COL22A1: variants seen among roughly 807,000 people sequenced by gnomAD.
COL22A1 encodes collagen type XXII alpha 1 chain.
In COL22A1, 221 loss-of-function variants were observed where a neutral mutation model predicts 248.9. That is an observed-to-expected ratio of 0.89 (90% CI 0.80 to 0.99). The LOEUF (loss-of-function observed/expected upper bound fraction) is 0.99, where lower values mean the gene tolerates loss of function less well. COL22A1 is among the 50% of genes least tolerant of loss of function. COL22A1 has a pLI of 0.00. For synonymous variants in COL22A1, 891 were observed against 793.4 expected (o/e 1.12, Z -2.07); for missense variants, 2,240 against 2,179.0 (o/e 1.03, Z -0.56).
intron 18 of COL22A1, among the ~76,000 whole-genome samples, chr8:138,757,216 CCAAA>C (rs1350361923): frequency 6.6e-6 from 1 of 152,188 alleles, no homozygotes; most frequent in Non-Finnish European, 1.5e-5. Context: ...TTCAACATCT[CCAAA>C]CAGAGTCAGA....
intron 44 of COL22A1, 51 bp from the exon 45 acceptor site, chr8:138,655,995 A>T: frequency 7.1e-7 from 1 of 1,417,980 alleles, no homozygotes; most frequent in Non-Finnish European, 9.9e-7. Flanking sequence ...ATATACAATA[A>T]ATCCCAGGCA....
At chr8:138,769,065 A>G (rs1586697238) in intron 16 of COL22A1, among the ~76,000 whole-genome samples, 1 of 151,942 alleles carries the variant, frequency 6.6e-6, no homozygotes, top group East Asian at 1.9e-4. Context: ...TTCAGTTTCC[A>G]TCTCATCTCT....
intron 10 of COL22A1, among the ~76,000 whole-genome samples, chr8:138,806,369 C>T (rs1214338521): frequency 2.6e-5 from 4 of 151,360 alleles, no homozygotes; most frequent in African/African-American, 9.7e-5. Flanking sequence ...CACATCCTAG[C>T]ACAGTGGGGG....
At chr8:138,875,167 T>C (rs1014559190) in intron 3 of COL22A1, among the ~76,000 whole-genome samples, 6 of 152,202 alleles carry the variant, frequency 3.9e-5, no homozygotes, top group African/African-American at 1.4e-4. Context: ...GCCTGACCTC[T>C]GGCCTTTCCA....
At chr8:138,744,687 CT>C (rs1477848163) in intron 22 of COL22A1, among the ~76,000 whole-genome samples, 1 of 152,170 alleles carries the variant, frequency 6.6e-6, no homozygotes, top group African/African-American at 2.4e-5. Context: ...TCAGAGAGTC[CT>C]TGTGGGAATT....
chr8:138,856,193 C>T (rs1468903567), intron 3 of COL22A1, among the ~76,000 whole-genome samples: 1 of 152,232 alleles, frequency 6.6e-6, no homozygotes, highest in Non-Finnish European at 1.5e-5. Context: ...CCGAGGCTCC[C>T]CTAGAGCAGT....
In COL22A1 at chr8:138,636,532, A is replaced by AAGGC. The variant is rs1821184216; in HGVS notation, c.3555+209_3555+210insGCCT. Among the ~76,000 whole-genome samples, 11 of 82,334 alleles carry AAGGC rather than the reference A, an allele frequency of 1.3e-4. No individual in the cohort carries two copies. In the South Asian group the frequency reaches 1.9e-3, roughly 14 times the overall value. The allele number at this position is 82,334 out of a possible 152,430, so 54.0% of individuals were successfully genotyped here. On this transcript the variant is annotated intron_variant, in intron 48 of 64. Transcript: ENST00000303045. ...AAAGGAAAGGAAAGGAAAGGAAAGG[A>AAGGC]AAGGCAGGGAGGCTTCTCCAATAAT... is the stretch of plus-strand genomic sequence containing the variant.
chr8:138,590,235 C>A (rs957802746), intron 64 of COL22A1, among the ~76,000 whole-genome samples: 3 of 152,120 alleles, frequency 2.0e-5, no homozygotes, highest in Non-Finnish European at 1.5e-5. Context: ...CAGAAAATAT[C>A]ATATAAAATA....
At chr8:138,788,857 T>C (rs1815778095) in intron 12 of COL22A1, among the ~76,000 whole-genome samples, 1 of 152,194 alleles carries the variant, frequency 6.6e-6, no homozygotes, top group African/African-American at 2.4e-5. Context: ...GCAGAAACCC[T>C]CCGAGGCAAG....
intron 60 of COL22A1, among the ~76,000 whole-genome samples, chr8:138,599,593 C>A (rs1189655543): frequency 6.6e-6 from 1 of 152,120 alleles, no homozygotes; most frequent in Non-Finnish European, 1.5e-5. Flanking sequence ...GGTACAGTGG[C>A]AATTGCCTAT....
intron 16 of COL22A1, among the ~76,000 whole-genome samples, chr8:138,766,326 T>C (rs1417261441): frequency 6.6e-6 from 1 of 151,796 alleles, no homozygotes; most frequent in Non-Finnish European, 1.5e-5. Context: ...GGCCGGCATG[T>C]GACAGAGGAG....
chr8:138,817,841 G>A (rs1818796939), intron 7 of COL22A1, among the ~76,000 whole-genome samples: 2 of 152,166 alleles, frequency 1.3e-5, no homozygotes, highest in South Asian at 4.1e-4. Context: ...ACAACCCTGT[G>A]GAGGGAGGGC....
rs138480082 is a variant in COL22A1, at chr8:138,667,120, C to T, written c.3151-3380G>A. ...AGGTGTGCTGAAGAAGGGGATTATA[C>T]AATGACTTTCTAATGTCATTCCTAT... On this transcript the variant is annotated intron_variant, in intron 41 of 64. Transcript: ENST00000303045. Among the ~76,000 whole-genome samples, 36 of 152,332 alleles carry T rather than the reference C, an allele frequency of 2.4e-4. No homozygotes were observed. The East Asian group carries it at 7.0e-3, about 29-fold the overall frequency.
chr8:138,650,176 T>C (rs956048134), intron 45 of COL22A1, among the ~76,000 whole-genome samples: 3 of 152,300 alleles, frequency 2.0e-5, no homozygotes, highest in South Asian at 2.1e-4. Context: ...GCTCTGTCCC[T>C]GATGTTAGAG....
At chr8:138,628,760 CTTTTTTTTTT>C (rs56318714) in intron 50 of COL22A1, among the ~76,000 whole-genome samples, 82,597 of 125,664 alleles carry the variant, frequency 0.66, 28,685 homozygotes, top group Middle Eastern at 0.82. Flanking sequence ...AGATCCACAT[CTTTTTTTTTT>C]TTTTTTTTTT....
At chr8:138,709,959 C>T (rs976371874) in intron 30 of COL22A1, among the ~76,000 whole-genome samples, 2 of 152,160 alleles carry the variant, frequency 1.3e-5, no homozygotes, top group South Asian at 4.1e-4. Context: ...TGCCAGCAGG[C>T]CCTGCCCCAC....
At chr8:138,807,251 G>A (rs1474292724) in intron 10 of COL22A1, among the ~76,000 whole-genome samples, 3 of 152,156 alleles carry the variant, frequency 2.0e-5, no homozygotes, top group Admixed American at 2.0e-4. Flanking sequence ...ACGGGATGAT[G>A]GTGAACTCTC....
intron 3 of COL22A1, among the ~76,000 whole-genome samples, chr8:138,850,801 G>C (rs981187872): frequency 2.6e-5 from 4 of 152,226 alleles, no homozygotes; most frequent in African/African-American, 4.8e-5. Context: ...CTCAAAAACA[G>C]AGGCGAAAGT....
chr8:138,716,800 T>C lies in COL22A1; in HGVS notation c.2400+25A>G, dbSNP rs1234676137. ...ACAATGAATGAATGAATAAAATGAATGAATAAAAGCACAAACAAACAGACC... is the reference window on the plus strand; with the variant it reads ...ACAATGAATGAATGAATAAAATGAACGAATAAAAGCACAAACAAACAGACC... On this transcript the variant is annotated intron_variant, in intron 28 of 64. Coordinates refer to ENST00000303045, the MANE Select transcript of COL22A1 (RefSeq NM_152888.3). 1.9e-6 allele frequency: 3 copies of C among 1,562,390 alleles called. No individual in the cohort carries two copies. The African/African-American group carries it at 4.1e-5, about 21-fold the overall frequency.
Sources: gnomAD v4.1 joint callset for allele counts (sites outside exome capture counted in the v4.1 genomes callset) on GRCh38, gnomAD v4.1.1 for gene constraint, MANE v1.5 for transcripts, NCBI Gene and HGNC (gene_info 2026-07-23, HGNC 2026-07-21) for gene names.